WWP2: variants seen among roughly 807,000 people sequenced by gnomAD.
WWP2 encodes the protein NEDD4-like E3 ubiquitin-protein ligase WWP2.
In WWP2, 57 loss-of-function variants were observed where a neutral mutation model predicts 121.0. That is an observed-to-expected ratio of 0.47 (90% CI 0.38 to 0.59). The LOEUF (loss-of-function observed/expected upper bound fraction) is 0.59. Ranked by LOEUF, WWP2 falls within the 20% of genes least tolerant of loss-of-function variation. The pLI is 0.00. For missense variants in WWP2, 962 were observed against 1,158.9 expected, an observed-to-expected ratio of 0.83 and a Z score of 2.47; for synonymous variants, 449 against 441.3, an observed-to-expected ratio of 1.02 and a Z score of -0.22.
intron 4 of WWP2, among the ~76,000 whole-genome samples, chr16:69,816,981 A>G: frequency 6.6e-6 from 1 of 152,210 alleles, no homozygotes; most frequent in East Asian, 1.9e-4. Flanking sequence ...TTTTGTTCCT[A>G]GAGTCTCTGC....
chr16:69,939,960 G>GC lies in WWP2; in HGVS notation c.*26dup. 3.1e-6 allele frequency: 5 copies of GC among 1,597,098 alleles called. No homozygotes were observed. Among genetic ancestry groups the GC allele is most frequent in the Non-Finnish European group, 3.4e-6 (4 of 1,168,646 alleles). On this transcript the variant is annotated 3_prime_UTR_variant, in exon 24 of 24. Transcript: ENST00000359154. The stretch of plus-strand genomic sequence containing the variant: ...GAGTAACCGAGGCCGCCCCTCCCAC[G>GC]CCCCCCAGCGCACATGTAGTCCTGA...
At chr16:69,876,664 A>G (rs1009066994) in intron 7 of WWP2, among the ~76,000 whole-genome samples, 2 of 152,198 alleles carry the variant, frequency 1.3e-5, no homozygotes, top group Admixed American at 6.6e-5. Flanking sequence ...GTGCCCAGCC[A>G]TAAAATGTAT....
chr16:69,877,928 C>G (rs113940832), intron 7 of WWP2, among the ~76,000 whole-genome samples: 15 of 152,080 alleles, frequency 9.9e-5, no homozygotes, highest in African/African-American at 1.7e-4. Flanking sequence ...CTGCCTCAGC[C>G]CCCCCAGTAG....
intron 8 of WWP2, among the ~76,000 whole-genome samples, chr16:69,901,556 G>C (rs963135557): frequency 2.0e-5 from 3 of 152,088 alleles, no homozygotes; most frequent in African/African-American, 7.2e-5. Flanking sequence ...GGGACTACAG[G>C]CATGTACCAC....
rs1010479057 is a variant in WWP2, at chr16:69,940,316, G to A, written c.*376G>A. 5 of 206,028 alleles carry A rather than the reference G, an allele frequency of 2.4e-5. No individual in the cohort carries two copies. The highest frequency in any genetic ancestry group is 1.4e-4 in the South Asian group (1 of 7,298). 12.8% of individuals were successfully genotyped at this position (206,028 alleles called of 1,614,324 possible). A position where few individuals can be genotyped will look rare whatever the true frequency, so the allele number is the denominator to read the frequency against. ...GGCCGGAGACCTCCTGGACTAGTTC[G>A]GCGAGGAGACTGGCCACTGGGGGTG... On this transcript the variant is annotated 3_prime_UTR_variant, in exon 24 of 24. Coordinates refer to ENST00000359154, the MANE Select transcript of WWP2 (RefSeq NM_001270454.2).
chr16:69,835,420 G>A (rs2056859186), intron 4 of WWP2, among the ~76,000 whole-genome samples: 1 of 152,044 alleles, frequency 6.6e-6, no homozygotes. Context: ...AAATAATGAG[G>A]TGTTCTGTTC....
At chr16:69,877,758 G>C (rs1379140516) in intron 7 of WWP2, among the ~76,000 whole-genome samples, 1 of 151,960 alleles carries the variant, frequency 6.6e-6, no homozygotes, top group African/African-American at 2.4e-5. Flanking sequence ...ACAGCCAGGT[G>C]GTGGAGCCGT....
At chr16:69,771,076 C>T (rs2055404225) in intron 1 of WWP2, among the ~76,000 whole-genome samples, 1 of 151,906 alleles carries the variant, frequency 6.6e-6, no homozygotes, top group African/African-American at 2.4e-5. Context: ...TGCTCTGGAT[C>T]ACTCAAAGGC....
intron 1 of WWP2, among the ~76,000 whole-genome samples, chr16:69,764,774 C>A (rs980110197): frequency 9.8e-5 from 15 of 152,338 alleles, no homozygotes; most frequent in African/African-American, 3.6e-4. Flanking sequence ...GCATAAAATA[C>A]ATTCTGGATT....
chr16:69,884,171 A>G (rs916685058), intron 7 of WWP2, among the ~76,000 whole-genome samples: 3 of 152,220 alleles, frequency 2.0e-5, no homozygotes, highest in South Asian at 2.1e-4. Context: ...TATGCACACA[A>G]ACTCACAAAT....
intron 4 of WWP2, among the ~76,000 whole-genome samples, chr16:69,801,564 T>C (rs1245388912): frequency 6.6e-6 from 1 of 151,976 alleles, no homozygotes; most frequent in African/African-American, 2.4e-5. Context: ...TGAGATGGGA[T>C]CTCCCTATAT....
chr16:69,803,471 T>C (rs111317504), intron 4 of WWP2, among the ~76,000 whole-genome samples: 207 of 152,336 alleles, frequency 1.4e-3, no homozygotes, highest in Middle Eastern at 3.4e-3. Context: ...TTTCACCATT[T>C]TTCTCAACAT....
intron 13 of WWP2, 87 bp downstream of exon 13, chr16:69,930,345 G>A: frequency 6.4e-7 from 1 of 1,566,474 alleles, no homozygotes. Flanking sequence ...ACTTTGGGTG[G>A]CCCCTGTGGT....
intron 8 of WWP2, among the ~76,000 whole-genome samples, chr16:69,889,146 TACACACACACACAC>T (rs143311481): frequency 2.1e-5 from 3 of 146,144 alleles, no homozygotes; most frequent in Non-Finnish European, 3.0e-5. Context: ...ATATCCTGCC[TACACACACACACAC>T]ACACACACAC....
intron 6 of WWP2, among the ~76,000 whole-genome samples, chr16:69,849,462 G>T (rs1249730325): frequency 7.3e-6 from 1 of 136,338 alleles, no homozygotes; most frequent in East Asian, 2.1e-4. Context: ...AATGGAATAA[G>T]TGTTATTTAT....
intron 1 of WWP2, among the ~76,000 whole-genome samples, chr16:69,769,943 C>T (rs753615939): frequency 2.0e-5 from 3 of 149,500 alleles, no homozygotes; most frequent in African/African-American, 7.4e-5. Context: ...GGCATAATCT[C>T]GGCTCGCTGC....
At chr16:69,916,902 G>A (rs746818608) in intron 9 of WWP2, among the ~76,000 whole-genome samples, 46 of 152,198 alleles carry the variant, frequency 3.0e-4, no homozygotes, top group South Asian at 6.2e-4. Flanking sequence ...AGTGGCTCAC[G>A]CCTGTAATCT....
chr16:69,903,192 G>A lies in WWP2; in HGVS notation c.915-5569G>A, dbSNP rs537917781. ...GCATCAGCCGTGATCAAAGATGGAAGGGTGGGCCTTATCTGGGCCTGTGTC... is the reference window on the plus strand; with the variant it reads ...GCATCAGCCGTGATCAAAGATGGAAAGGTGGGCCTTATCTGGGCCTGTGTC... On this transcript the variant is annotated intron_variant, in intron 8 of 23. Transcript: ENST00000359154. 1.2e-4 allele frequency among the ~76,000 whole-genome samples: 18 copies of A among 152,304 alleles called. No homozygotes were observed. The South Asian group carries it at 3.7e-3, about 32-fold the overall frequency.
At chr16:69,816,231 TTGTA>T (rs1202486358) in intron 4 of WWP2, among the ~76,000 whole-genome samples, 1 of 152,018 alleles carries the variant, frequency 6.6e-6, no homozygotes, top group African/African-American at 2.4e-5. Flanking sequence ...TATTAATATT[TTGTA>T]TGACTGTAAA....
Sources: allele counts gnomAD v4.1 joint callset (sites outside exome capture counted in the v4.1 genomes callset), GRCh38; gene constraint gnomAD v4.1.1; transcripts MANE v1.5; gene names NCBI Gene and HGNC (gene_info 2026-07-23, HGNC 2026-07-21).